The following NLGN4X variants were observed in gnomAD, a reference collection of about 807,000 sequenced individuals.
The protein encoded by NLGN4X is neuroligin 4 X-linked.
In NLGN4X, 3 loss-of-function variants were observed where a neutral mutation model predicts 40.3. That is an observed-to-expected ratio of 0.07 (90% confidence interval 0.03 to 0.19). The LOEUF is 0.19. NLGN4X is among the 10% of genes least tolerant of loss of function. The pLI is 1.00. For synonymous variants in NLGN4X, 270 were observed against 306.8 expected (o/e 0.88, Z 1.25); for missense variants, 382 against 708.3 (o/e 0.54, Z 5.23).
At chrX:6,224,987 TATATATATATATATATATATATATACACA>T (rs1410771122) in intron 1 of NLGN4X, among the ~76,000 whole-genome samples, 15 of 50,151 alleles carry the variant, frequency 3.0e-4, no homozygotes, top group African/African-American at 1.2e-3. Flanking sequence ...CATATATATA[TATATATATATATATATATATATATACACA>T]CACACACACA....
intron 2 of NLGN4X, among the ~76,000 whole-genome samples, chrX:6,114,628 T>C (rs2039235504): frequency 9.0e-6 from 1 of 111,067 alleles, no homozygotes; most frequent in South Asian, 3.8e-4. Context: ...ACTTTTCTCC[T>C]TTATTATTTT....
chrX:6,121,713 T>C (rs1370362043), intron 2 of NLGN4X, among the ~76,000 whole-genome samples: 1 of 112,406 alleles, frequency 8.9e-6, no homozygotes, highest in African/African-American at 3.2e-5. Flanking sequence ...TCTATTCCTT[T>C]AATCAAAGTA....
intron 2 of NLGN4X, among the ~76,000 whole-genome samples, chrX:6,039,501 G>C (rs1269126324): frequency 8.9e-6 from 1 of 111,989 alleles, no homozygotes; most frequent in East Asian, 2.8e-4. Flanking sequence ...TTGTTATGCA[G>C]CAGTAGCTAA....
At chrX:6,041,151 A>T (rs1259125329) in intron 2 of NLGN4X, among the ~76,000 whole-genome samples, 3 of 111,254 alleles carry the variant, frequency 2.7e-5, no homozygotes, top group Non-Finnish European at 5.7e-5. Context: ...CTGTTAGAGG[A>T]TGATATTCCA....
At chrX:5,954,767 G>T (rs1379674078) in intron 3 of NLGN4X, among the ~76,000 whole-genome samples, 4 of 110,408 alleles carry the variant, frequency 3.6e-5, no homozygotes, top group African/African-American at 9.9e-5. Context: ...GTCCTTGGGG[G>T]TAATTTATAC....
intron 1 of NLGN4X, among the ~76,000 whole-genome samples, chrX:6,188,388 TCA>T (rs1428862369): frequency 8.9e-6 from 1 of 112,270 alleles, no homozygotes; most frequent in Non-Finnish European, 1.9e-5. Flanking sequence ...TGATGAGCTT[TCA>T]TCCCACTTTC....
chrX:5,964,509 T>C (rs921997505), intron 3 of NLGN4X, among the ~76,000 whole-genome samples: 1 of 112,184 alleles, frequency 8.9e-6, no homozygotes, highest in Non-Finnish European at 1.9e-5. Flanking sequence ...TATTTTATTT[T>C]ACTCACTTGT....
intron 1 of NLGN4X, among the ~76,000 whole-genome samples, chrX:6,195,535 A>G (rs1459675842): frequency 1.8e-5 from 2 of 112,715 alleles, no homozygotes; most frequent in African/African-American, 6.4e-5. Flanking sequence ...ACACAGTCCC[A>G]TGATGCATGA....
At chrX:5,989,082 A>T (rs545144757) in intron 3 of NLGN4X, among the ~76,000 whole-genome samples, 4 of 82,393 alleles carry the variant, frequency 4.9e-5, no homozygotes, top group East Asian at 4.0e-4. Flanking sequence ...AAATAAAAAA[A>T]ATAAAAAAAA....
At chrX:5,991,434 G>A (rs1364036006) in intron 3 of NLGN4X, 6 of 516,564 alleles carry the variant, frequency 1.2e-5, no homozygotes. Context: ...CCTCATTTCT[G>A]AAAGGGGATG....
chrX:5,936,877 G>A (rs780676371), intron 3 of NLGN4X, among the ~76,000 whole-genome samples: 4 of 111,987 alleles, frequency 3.6e-5, no homozygotes, highest in East Asian at 2.8e-4. Context: ...TGCTCTAGCC[G>A]ATCAGTGGAG....
intron 3 of NLGN4X, among the ~76,000 whole-genome samples, chrX:5,931,773 A>T (rs977466194): frequency 8.9e-6 from 1 of 111,814 alleles, no homozygotes; most frequent in African/African-American, 3.3e-5. Flanking sequence ...AAGAGCAATA[A>T]TAGAACATGA....
intron 2 of NLGN4X, among the ~76,000 whole-genome samples, chrX:6,140,041 G>C (rs1222759251): frequency 9.0e-6 from 1 of 111,302 alleles, no homozygotes; most frequent in Non-Finnish European, 1.9e-5. Flanking sequence ...CTTGTTGAGT[G>C]AATGACTGAT....
At position 5,909,270 on chromosome X, in the gene NLGN4X, C is replaced by T. The variant is rs763645342; in HGVS notation, c.626-31G>A. Reference sequence around the variant, plus strand: ...AAAGAACACAAGATATTTTTGGTGGCCAAATAGAAAAAGTGCATACGTGTC... The same window carrying T: ...AAAGAACACAAGATATTTTTGGTGGTCAAATAGAAAAAGTGCATACGTGTC... On this transcript the variant is annotated intron_variant, in intron 3 of 5. Coordinates refer to ENST00000381095, the MANE Select transcript of NLGN4X (RefSeq NM_181332.3). The T allele has an allele frequency of 9.2e-6, 11 of 1,200,653 alleles. No homozygotes were observed. The Admixed American group carries it at 2.4e-4, about 26-fold the overall frequency.
At chrX:6,006,874 T>A (rs779340074) in intron 3 of NLGN4X, among the ~76,000 whole-genome samples, 5 of 111,653 alleles carry the variant, frequency 4.5e-5, no homozygotes, top group Non-Finnish European at 9.4e-5. Flanking sequence ...ACAACCTCTA[T>A]GGAAAATAGT....
intron 3 of NLGN4X, among the ~76,000 whole-genome samples, chrX:5,997,086 T>A (rs1415249536): frequency 9.0e-6 from 1 of 110,579 alleles, no homozygotes; most frequent in Admixed American, 9.8e-5. Flanking sequence ...ATATAAATCA[T>A]GTGGAACTTA....
chrX:5,891,471 G>T lies in NLGN4X; in HGVS notation c.*1346C>A. On this transcript the variant is annotated 3_prime_UTR_variant, in exon 6 of 6. Coordinates refer to ENST00000381095, the MANE Select transcript of NLGN4X (RefSeq NM_181332.3). ...ACCGAGTGCTTAAACAAAAAGGAAA[G>T]ACACATGTCTTCCTTCAATCTGATT... 3 of 264,273 alleles carry T rather than the reference G, an allele frequency of 1.1e-5. No homozygotes were observed. Among genetic ancestry groups the T allele is most frequent in the Non-Finnish European group, 2.1e-5 (3 of 144,123 alleles). The allele number at this position is 264,273 out of a possible 1,213,427, so 21.8% of individuals were successfully genotyped here.
At chrX:6,058,331 A>G (rs1016955846) in intron 2 of NLGN4X, among the ~76,000 whole-genome samples, 1 of 112,128 alleles carries the variant, frequency 8.9e-6, no homozygotes, top group Non-Finnish European at 1.9e-5. Flanking sequence ...TGTTTAAGAT[A>G]CTAAATCTGT....
At chrX:5,963,079 G>A (rs2034714654) in intron 3 of NLGN4X, among the ~76,000 whole-genome samples, 1 of 109,880 alleles carries the variant, frequency 9.1e-6, no homozygotes, top group South Asian at 3.9e-4. Context: ...GTAGAAGCCA[G>A]AAAAGTTTTG....
Sources: allele counts gnomAD v4.1 joint callset (sites outside exome capture counted in the v4.1 genomes callset), GRCh38; gene constraint gnomAD v4.1.1; transcripts MANE v1.5; gene names NCBI Gene and HGNC (gene_info 2026-07-23, HGNC 2026-07-21).